The following ARHGEF12 variants were observed in gnomAD, a reference collection of about 807,000 sequenced individuals.
ARHGEF12 encodes the protein KMT2A/ARHGEF12 fusion protein.
ARHGEF12 carries 66 observed loss-of-function variants against 211.2 expected under a neutral mutation model. That is an observed-to-expected ratio of 0.31 (90% CI 0.26 to 0.38). The LOEUF is 0.38. ARHGEF12 is among the 10% of genes least tolerant of loss of function. The probability of loss-of-function intolerance (pLI) is 1.00; values close to 1 mark genes in which losing one functional copy is unlikely to be tolerated. For synonymous variants in ARHGEF12, 592 were observed against 638.4 expected (o/e 0.93, Z 1.09); for missense variants, 1,429 against 1,869.5 (o/e 0.76, Z 4.34).
At chr11:120,380,987 A>G (rs1364971352) in intron 1 of ARHGEF12, among the ~76,000 whole-genome samples, 1 of 152,126 alleles carries the variant, frequency 6.6e-6, no homozygotes, top group Non-Finnish European at 1.5e-5. Context: ...TTTTTTGAAC[A>G]TCTCCTGACG....
In ARHGEF12 at chr11:120,350,546, T is replaced by C. The variant is rs1942904121; in HGVS notation, c.32+13271T>C. On this transcript the variant is annotated intron_variant, in intron 1 of 40. Transcript: ENST00000397843. ...AAAAAAAAAGTGAGAAGTATGTGTA[T>C]TTGGGGGAAGTTGTAGAATGAAATA... Among the ~76,000 whole-genome samples, 4 of 152,006 alleles carry C rather than the reference T, an allele frequency of 2.6e-5. No homozygotes were observed. The South Asian group carries it at 8.3e-4, about 32-fold the overall frequency.
chr11:120,460,194 C>T (rs1282779688), intron 26 of ARHGEF12, among the ~76,000 whole-genome samples: 2 of 152,120 alleles, frequency 1.3e-5, no homozygotes, highest in African/African-American at 4.8e-5. Flanking sequence ...TTTTTCATGT[C>T]ATCACTAACT....
intron 8 of ARHGEF12, 76 bp downstream of exon 8, chr11:120,428,323 G>A: frequency 2.4e-6 from 3 of 1,246,504 alleles, no homozygotes; most frequent in Non-Finnish European, 2.1e-6. Flanking sequence ...GAGTTTTCAA[G>A]TATTCGGCTG....
At chr11:120,435,067 T>C (rs1381109951) in intron 11 of ARHGEF12, among the ~76,000 whole-genome samples, 1 of 152,198 alleles carries the variant, frequency 6.6e-6, no homozygotes, top group Non-Finnish European at 1.5e-5. Flanking sequence ...ACAATTTTAT[T>C]ACCTTGTTTT....
At position 120,465,445 on chromosome 11, in the gene ARHGEF12, A is replaced by T. The variant is rs1263392132; in HGVS notation, c.2739+83A>T. On this transcript the variant is annotated intron_variant, in intron 28 of 40. Transcript: ENST00000397843. ...ATAAACTGGGGGAATTCTGACTAAGACTTTTACAAAGATTACATCTGTGTT... is the reference window on the plus strand; with the variant it reads ...ATAAACTGGGGGAATTCTGACTAAGTCTTTTACAAAGATTACATCTGTGTT... 6.4e-6 allele frequency: 10 copies of T among 1,551,156 alleles called. No homozygotes were observed. In the African/African-American group the frequency reaches 8.2e-5, roughly 13 times the overall value.
intron 11 of ARHGEF12, among the ~76,000 whole-genome samples, chr11:120,434,223 G>C (rs1945630582): frequency 1.3e-5 from 2 of 152,136 alleles, no homozygotes; most frequent in Non-Finnish European, 2.9e-5. Flanking sequence ...ATGGATAATA[G>C]TTAGCATTTA....
intron 10 of ARHGEF12, among the ~76,000 whole-genome samples, chr11:120,430,557 A>G (rs1214242057): frequency 6.6e-6 from 1 of 152,234 alleles, no homozygotes; most frequent in African/African-American, 2.4e-5. Context: ...ACATTCTGTA[A>G]TATTCAGATT....
In ARHGEF12 at chr11:120,449,140, A is replaced by G; in HGVS notation, c.1769A>G (p.Glu590Gly). 1 of 1,614,014 alleles carries G rather than the reference A, an allele frequency of 6.2e-7. No individual in the cohort carries two copies. Among genetic ancestry groups the G allele is most frequent in the Non-Finnish European group, 8.5e-7 (1 of 1,179,934 alleles). The change falls in exon 21 of 41, where the codon GAA (glutamate) becomes GGA (glycine). Residue 590 changes from glutamate (E) to glycine (G), a missense_variant. Physicochemically the swap from Glu to Gly is moderately conservative, Grantham distance 98. This residue lies in a region of ARHGEF12 where 373 missense variants were observed against 467.5 expected (regional missense o/e 0.80). Coordinates refer to ENST00000397843, the MANE Select transcript of ARHGEF12 (RefSeq NM_015313.3). ...ATGAAGAAAGATAAAGAAGGGGAAG[A>G]AAAAGGGAAGCGAAGAGGATTCCCC... ...QSMKKDKEGE[E>G]KGKRRGFPSI...
intron 36 of ARHGEF12, 77 bp downstream of exon 36, chr11:120,477,603 G>A (rs1050152572): frequency 1.2e-5 from 17 of 1,385,628 alleles, no homozygotes; most frequent in Non-Finnish European, 1.6e-5. Flanking sequence ...GGTGGCTCAT[G>A]CCTGTAATCC....
chr11:120,336,503 C>T lies in ARHGEF12; in HGVS notation c.-741C>T, dbSNP rs566863492. The stretch of plus-strand genomic sequence containing the variant: ...CAGGCCGGGCCGGACGGGCATCTCC[C>T]GCCCCTCGCGGGGAGCGTCGGGGAG... On this transcript the variant is annotated 5_prime_UTR_variant, in exon 1 of 41. Coordinates refer to ENST00000397843, the MANE Select transcript of ARHGEF12 (RefSeq NM_015313.3). Among the ~76,000 whole-genome samples the T allele has an allele frequency of 1.3e-5, 2 of 152,036 alleles. No individual in the cohort carries two copies. Among genetic ancestry groups the T allele is most frequent in the Admixed American group, 6.5e-5 (1 of 15,290 alleles).
chr11:120,429,632 A>G (rs1945466322), intron 9 of ARHGEF12, 80 bp from the exon 10 acceptor site: 8 of 1,556,364 alleles, frequency 5.1e-6, no homozygotes, highest in Non-Finnish European at 7.0e-6. Flanking sequence ...CATTAGTTAT[A>G]TTATTGATTA....
chr11:120,409,177 A>G (rs1465688562), intron 3 of ARHGEF12: 3 of 520,664 alleles, frequency 5.8e-6, no homozygotes, highest in Non-Finnish European at 1.0e-5. Flanking sequence ...GTTTGAACAT[A>G]TTTTTATTGC....
At chr11:120,339,823 A>T (rs1303888308) in intron 1 of ARHGEF12, among the ~76,000 whole-genome samples, 3 of 152,184 alleles carry the variant, frequency 2.0e-5, no homozygotes, top group African/African-American at 7.2e-5. Context: ...CTGATTGGTC[A>T]CTTTGGATAC....
chr11:120,384,980 A>AT (rs1005360060), intron 1 of ARHGEF12, among the ~76,000 whole-genome samples: 2 of 151,124 alleles, frequency 1.3e-5, no homozygotes, highest in Non-Finnish European at 2.9e-5. Flanking sequence ...GAGGGACTCC[A>AT]TTTTTTGGCA....
intron 19 of ARHGEF12, 130 bp downstream of exon 19, chr11:120,448,036 T>C: frequency 1.2e-6 from 1 of 828,704 alleles, no homozygotes; most frequent in East Asian, 2.7e-5. Flanking sequence ...TCTGGTGGCT[T>C]GTATGTTATT....
At chr11:120,427,224 C>G (rs1175855055) in intron 7 of ARHGEF12, among the ~76,000 whole-genome samples, 2 of 152,052 alleles carry the variant, frequency 1.3e-5, no homozygotes, top group South Asian at 4.1e-4. Flanking sequence ...CGCAATATGT[C>G]TACTGAATTC....
chr11:120,351,628 GC>G (rs1942976169), intron 1 of ARHGEF12, among the ~76,000 whole-genome samples: 1 of 150,404 alleles, frequency 6.6e-6, no homozygotes, highest in Non-Finnish European at 1.5e-5. Context: ...CCGCCACCAC[GC>G]CCGTCTAATT....
At chr11:120,352,518 A>C (rs1331060233) in intron 1 of ARHGEF12, among the ~76,000 whole-genome samples, 3 of 152,156 alleles carry the variant, frequency 2.0e-5, no homozygotes, top group African/African-American at 7.2e-5. Flanking sequence ...TGTTATCTTT[A>C]TCATTTAGTT....
intron 1 of ARHGEF12, among the ~76,000 whole-genome samples, chr11:120,341,500 A>G (rs1365086917): frequency 6.6e-6 from 1 of 152,236 alleles, no homozygotes; most frequent in Non-Finnish European, 1.5e-5. Flanking sequence ...TTCCAGGGAA[A>G]ACAGTTGGAA....
Sources: gnomAD v4.1 joint callset for allele counts (sites outside exome capture counted in the v4.1 genomes callset) on GRCh38, gnomAD v4.1.1 for gene constraint, gnomAD v4.1.1 regional missense constraint, MANE v1.5 for transcripts, NCBI Gene and HGNC (gene_info 2026-07-23, HGNC 2026-07-21) for gene names.